The following FBXO40 variants were observed in gnomAD, a reference collection of about 807,000 sequenced individuals.
The protein encoded by FBXO40 is F-box protein 40.
FBXO40 carries 50 observed loss-of-function variants against 49.9 expected under a neutral mutation model. The observed-to-expected ratio is 1.00, with a 90% CI of 0.80 to 1.27. The LOEUF is 1.27. Ranked by LOEUF, FBXO40 falls within the 50% of genes most tolerant of loss-of-function variation. The pLI is 0.00. For synonymous variants in FBXO40, 340 were observed against 320.2 expected (o/e 1.06, Z -0.66); for missense variants, 895 against 870.1 (o/e 1.03, Z -0.36).
chr3:121,622,994 A>G lies in FBXO40; in HGVS notation c.1565A>G (p.Gln522Arg). The G allele has an allele frequency of 1.2e-6, 2 of 1,614,230 alleles. No individual in the cohort carries two copies. The highest frequency in any genetic ancestry group is 1.7e-6 in the Non-Finnish European group (2 of 1,180,046). Residue 522 changes from glutamine to arginine, a missense_variant, in exon 3 of 4, where the codon CAA becomes CGA. Coordinates refer to ENST00000338040, the MANE Select transcript of FBXO40 (RefSeq NM_016298.4). Reference protein sequence around the residue: ...PLAYLGCTFVQNHFRPPGQKA... With the variant: ...PLAYLGCTFVRNHFRPPGQKA... ...GCCTACTTGGGATGTACATTTGTTC[A>G]AAACCATTTCCGTCCCCCAGGGCAA...
At chr3:121,594,153 C>T (rs532342299) in intron 1 of FBXO40, among the ~76,000 whole-genome samples, 114 of 151,656 alleles carry the variant, frequency 7.5e-4, no homozygotes, top group Non-Finnish European at 1.2e-3. Flanking sequence ...CAGGTCTGAG[C>T]CACTGTGCCT....
At chr3:121,606,520 A>G (rs2048932974) in intron 1 of FBXO40, among the ~76,000 whole-genome samples, 1 of 152,172 alleles carries the variant, frequency 6.6e-6, no homozygotes, top group African/African-American at 2.4e-5. Context: ...CTGAAACAGA[A>G]TTTTCCTCTC....
rs138259890 is a variant in FBXO40 at position 121,622,798 on chromosome 3, G to A, written c.1369G>A (p.Val457Met). 8 of 1,614,164 alleles carry A rather than the reference G, an allele frequency of 5.0e-6. No individual in the cohort carries two copies. The highest frequency in any genetic ancestry group is 2.2e-5 in the East Asian group (1 of 44,884). ...LTAATPGGLHVELHSECVTRR... is the reference protein window; with the variant it reads ...LTAATPGGLHMELHSECVTRR... ...CGCTGCCACCCCAGGGGGACTCCAC[G>A]TGGAGCTCCACAGCGAGTGTGTGAC... Residue 457 changes from valine (V) to methionine (M), a missense_variant, in exon 3 of 4, where the codon GTG becomes ATG. Physicochemically the swap from Val to Met is conservative, Grantham distance 21. Transcript: ENST00000338040.
At chr3:121,595,859 T>C (rs2048868561) in intron 1 of FBXO40, among the ~76,000 whole-genome samples, 1 of 152,200 alleles carries the variant, frequency 6.6e-6, no homozygotes, top group African/African-American at 2.4e-5. Flanking sequence ...CTTTGACCTT[T>C]AACTTTTAAC....
intron 1 of FBXO40, among the ~76,000 whole-genome samples, chr3:121,598,755 A>G (rs2048885789): frequency 6.6e-6 from 1 of 152,104 alleles, no homozygotes; most frequent in Non-Finnish European, 1.5e-5. Context: ...CTAATTGGCA[A>G]TCCTCCCACC....
chr3:121,615,796 G>C (rs1560130723), intron 1 of FBXO40, among the ~76,000 whole-genome samples: 2 of 152,076 alleles, frequency 1.3e-5, no homozygotes, highest in Non-Finnish European at 2.9e-5. Context: ...AGTTTTGTCT[G>C]GCCATAAATA....
At position 121,621,815 on chromosome 3, in the gene FBXO40, T is replaced by G. The variant is rs766181328; in HGVS notation, c.386T>G (p.Leu129Arg). 1.9e-6 allele frequency: 3 copies of G among 1,614,084 alleles called. No homozygotes were observed. In the East Asian group the frequency reaches 6.7e-5, roughly 36 times the overall value. The change falls in exon 3 of 4, where the codon CTG (leucine) becomes CGG (arginine). Residue 129 changes from leucine to arginine, a missense_variant. Leu to Arg is a moderately radical substitution (Grantham distance 102). Transcript: ENST00000338040. ...AGTGAGGAGTGTTTGGACACAGCCC[T>G]GGCCCTGCAGGATCAGAAGGTCCTC... ...TPSEECLDTALALQDQKVLFR... is the reference protein window; with the variant it reads ...TPSEECLDTARALQDQKVLFR...
At position 121,623,008 on chromosome 3, in the gene FBXO40, C is replaced by T. The variant is rs757256594; in HGVS notation, c.1579C>T (p.Pro527Ser). 2 of 1,614,208 alleles carry T rather than the reference C, an allele frequency of 1.2e-6. No homozygotes were observed. The highest frequency in any genetic ancestry group is 1.7e-5 in the Admixed American group (1 of 60,030). Residue 527 changes from proline (P) to serine (S), a missense_variant, in exon 3 of 4, where the codon CCC (proline) becomes TCC (serine). Pro to Ser is a moderately conservative substitution (Grantham distance 74). Coordinates refer to ENST00000338040, the MANE Select transcript of FBXO40 (RefSeq NM_016298.4). ...TACATTTGTTCAAAACCATTTCCGTCCCCCAGGGCAAAAGGCAAAAGTAAT... is the reference window on the plus strand; with the variant it reads ...TACATTTGTTCAAAACCATTTCCGTTCCCCAGGGCAAAAGGCAAAAGTAAT... ...GCTFVQNHFRPPGQKAKVIYS... is the reference protein window; with the variant it reads ...GCTFVQNHFRSPGQKAKVIYS...
chr3:121,604,900 C>A (rs571841576), intron 1 of FBXO40, among the ~76,000 whole-genome samples: 1 of 151,998 alleles, frequency 6.6e-6, no homozygotes, highest in East Asian at 1.9e-4. Context: ...ATGGATCTGG[C>A]CCACATACTG....
intron 1 of FBXO40, among the ~76,000 whole-genome samples, chr3:121,606,780 C>T (rs370445135): frequency 3.9e-5 from 6 of 152,106 alleles, no homozygotes; most frequent in Non-Finnish European, 5.9e-5. Flanking sequence ...CAAATTTAGC[C>T]GGAGTCCTCT....
At chr3:121,606,770 C>T (rs961961557) in intron 1 of FBXO40, among the ~76,000 whole-genome samples, 1 of 152,148 alleles carries the variant, frequency 6.6e-6, no homozygotes, top group African/African-American at 2.4e-5. Context: ...TGTTTCCTGG[C>T]AAATTTAGCC....
At chr3:121,599,674 G>GCACACACACA (rs757324448) in intron 1 of FBXO40, among the ~76,000 whole-genome samples, 2 of 99,566 alleles carry the variant, frequency 2.0e-5, no homozygotes, top group Admixed American at 1.4e-4. Flanking sequence ...ACACACACAT[G>GCACACACACA]CACACACACA....
chr3:121,599,764 C>T (rs2048892733), intron 1 of FBXO40, among the ~76,000 whole-genome samples: 1 of 144,470 alleles, frequency 6.9e-6, no homozygotes, highest in Non-Finnish European at 1.5e-5. Flanking sequence ...ACTCTGGTGC[C>T]CAGGCTGGAG....
At chr3:121,599,724 A>ATATT (rs1426456952) in intron 1 of FBXO40, among the ~76,000 whole-genome samples, 7 of 97,178 alleles carry the variant, frequency 7.2e-5, no homozygotes, top group African/African-American at 2.1e-4. Context: ...ATATATATAT[A>ATATT]TTTTTTTTTT....
intron 1 of FBXO40, among the ~76,000 whole-genome samples, chr3:121,594,178 ATTATTTAT>A (rs954866151): frequency 6.7e-6 from 1 of 149,784 alleles, no homozygotes; most frequent in African/African-American, 2.5e-5. Context: ...CAGAATTTCT[ATTATTTAT>A]TTATTTATTT....
chr3:121,617,889 A>G (rs2049006923), intron 1 of FBXO40, among the ~76,000 whole-genome samples: 2 of 152,042 alleles, frequency 1.3e-5, no homozygotes, highest in Admixed American at 1.3e-4. Flanking sequence ...AATCCCAGCT[A>G]CTTGGGAAGC....
chr3:121,612,675 A>C (rs1283075988), intron 1 of FBXO40, among the ~76,000 whole-genome samples: 1 of 152,118 alleles, frequency 6.6e-6, no homozygotes, highest in Non-Finnish European at 1.5e-5. Context: ...TCCCTTCTAC[A>C]AAACAAATCA....
At chr3:121,617,280 T>C (rs1057359764) in intron 1 of FBXO40, among the ~76,000 whole-genome samples, 1 of 152,154 alleles carries the variant, frequency 6.6e-6, no homozygotes, top group Non-Finnish European at 1.5e-5. Context: ...ACCATAAATA[T>C]GCACAAATAC....
At chr3:121,607,878 AATAAG>A (rs1386943104) in intron 1 of FBXO40, among the ~76,000 whole-genome samples, 2 of 152,206 alleles carry the variant, frequency 1.3e-5, no homozygotes, top group Admixed American at 1.3e-4. Flanking sequence ...CCCATAAATA[AATAAG>A]ATATCAACTG....
Sources: gnomAD v4.1 joint callset for allele counts (sites outside exome capture counted in the v4.1 genomes callset) on GRCh38, gnomAD v4.1.1 for gene constraint, MANE v1.5 for transcripts, NCBI Gene and HGNC (gene_info 2026-07-23, HGNC 2026-07-21) for gene names.